Variants in EYS observed in about 807,000 individuals in gnomAD.
EYS encodes protein eyes shut homolog.
EYS carries 250 observed loss-of-function variants against 282.1 expected under a neutral mutation model. That is an observed-to-expected ratio of 0.89 (90% CI 0.80 to 0.98). The LOEUF (loss-of-function observed/expected upper bound fraction) is 0.98. EYS is among the 50% of genes least tolerant of loss of function. The pLI, the probability that EYS is intolerant of heterozygous loss-of-function variation, is 0.00. For synonymous variants in EYS, 1,355 were observed against 1,282.9 expected (o/e 1.06, Z -1.20); for missense variants, 4,016 against 3,709.0 (o/e 1.08, Z -2.15).
intron 2 of EYS, among the ~76,000 whole-genome samples, chr6:65,610,200 C>A (rs1765946192): frequency 6.6e-6 from 1 of 152,050 alleles, no homozygotes; most frequent in Non-Finnish European, 1.5e-5. Flanking sequence ...AGCTGCCATG[C>A]CCGGCCTATT....
chr6:64,133,473 A>T (rs1774052559), intron 31 of EYS, among the ~76,000 whole-genome samples: 1 of 126,594 alleles, frequency 7.9e-6, no homozygotes, highest in Non-Finnish European at 1.7e-5. Flanking sequence ...CTTTTGCATT[A>T]CTTCACACAC....
intron 15 of EYS, among the ~76,000 whole-genome samples, chr6:64,944,505 C>T (rs1018488747): frequency 6.6e-6 from 1 of 152,008 alleles, no homozygotes; most frequent in African/African-American, 2.4e-5. Flanking sequence ...ACCAGGGGCA[C>T]AATGCACTGT....
chr6:63,740,583 A>G (rs1189741298), intron 41 of EYS, among the ~76,000 whole-genome samples: 2 of 152,224 alleles, frequency 1.3e-5, no homozygotes, highest in East Asian at 1.9e-4. Context: ...TGAAATTCTT[A>G]TAATAAAGCT....
intron 30 of EYS, among the ~76,000 whole-genome samples, chr6:64,268,778 A>AG (rs1767846871): frequency 6.6e-6 from 1 of 152,078 alleles, no homozygotes; most frequent in African/African-American, 2.4e-5. Context: ...TGAGTATGGG[A>AG]GGGGGCAGTG....
chr6:64,215,082 TATG>T lies in EYS; in HGVS notation c.6424+15507_6424+15509del, dbSNP rs545363910. On this transcript the variant is annotated intron_variant, in intron 31 of 42. Coordinates refer to ENST00000503581, the MANE Select transcript of EYS (RefSeq NM_001142800.2). ...ATCTAGAGGATAATGTTCAGTGGTT[TATG>T]ATACTAAAATTGAGATCAAAATTTG... is the stretch of plus-strand genomic sequence containing the variant. Among the ~76,000 whole-genome samples the T allele has an allele frequency of 3.9e-5, 6 of 152,136 alleles. No individual in the cohort carries two copies. In the East Asian group the frequency reaches 1.2e-3, roughly 29 times the overall value.
intron 5 of EYS, among the ~76,000 whole-genome samples, chr6:65,414,486 GA>G (rs34373105): frequency 6.6e-6 from 1 of 151,818 alleles, no homozygotes; most frequent in Non-Finnish European, 1.5e-5. Context: ...AAGACAGTGA[GA>G]AAAAAATCAT....
chr6:64,442,391 T>C (rs752891054), intron 26 of EYS, among the ~76,000 whole-genome samples: 6 of 152,156 alleles, frequency 3.9e-5, no homozygotes, highest in Non-Finnish European at 7.3e-5. Context: ...TCAGAAAATT[T>C]GCACCCTGAC....
intron 2 of EYS, among the ~76,000 whole-genome samples, chr6:65,615,372 T>C (rs1766148490): frequency 7.1e-6 from 1 of 139,990 alleles, no homozygotes; most frequent in South Asian, 2.3e-4. Context: ...CAAAACCGAG[T>C]TCATTTTATT....
At chr6:64,830,582 T>A (rs1221198936) in intron 19 of EYS, among the ~76,000 whole-genome samples, 1 of 151,930 alleles carries the variant, frequency 6.6e-6, no homozygotes, top group Admixed American at 6.6e-5. Context: ...TAATATAATT[T>A]GCACAGGAGA....
At chr6:65,601,430 T>C (rs1190331873) in intron 2 of EYS, among the ~76,000 whole-genome samples, 1 of 151,934 alleles carries the variant, frequency 6.6e-6, no homozygotes, top group Non-Finnish European at 1.5e-5. Context: ...ATTATGCTTT[T>C]TTTTCCCCCA....
intron 22 of EYS, among the ~76,000 whole-genome samples, chr6:64,745,777 T>A (rs1395426198): frequency 6.6e-6 from 1 of 152,188 alleles, no homozygotes; most frequent in African/African-American, 2.4e-5. Context: ...GCAAGCATTA[T>A]AGCTTTTGTT....
chr6:64,338,430 G>A (rs1770947150), intron 29 of EYS, among the ~76,000 whole-genome samples: 1 of 151,722 alleles, frequency 6.6e-6, no homozygotes, highest in South Asian at 2.1e-4. Context: ...CCAAGGAGGT[G>A]AAAAACCTCC....
intron 26 of EYS, among the ~76,000 whole-genome samples, chr6:64,447,759 TTATTGC>T (rs1562000065): frequency 6.6e-6 from 1 of 152,194 alleles, no homozygotes. Context: ...TGAAAATAGA[TTATTGC>T]AAGGGAATGT....
chr6:63,740,047 T>C (rs1464183733), intron 41 of EYS, among the ~76,000 whole-genome samples: 1 of 152,110 alleles, frequency 6.6e-6, no homozygotes, highest in Non-Finnish European at 1.5e-5. Context: ...ATGAAAATAT[T>C]CAGCACTTTT....
At chr6:64,285,533 T>G (rs1000447989) in intron 30 of EYS, among the ~76,000 whole-genome samples, 1 of 152,172 alleles carries the variant, frequency 6.6e-6, no homozygotes, top group Non-Finnish European at 1.5e-5. Flanking sequence ...TTTCCCACAT[T>G]TTCCTATGTT....
intron 12 of EYS, among the ~76,000 whole-genome samples, chr6:65,130,675 G>A (rs1017194322): frequency 2.0e-5 from 3 of 151,428 alleles, no homozygotes; most frequent in African/African-American, 7.3e-5. Flanking sequence ...AGGAGTGAGA[G>A]GATCAGGAAA....
intron 5 of EYS, among the ~76,000 whole-genome samples, chr6:65,450,879 G>A (rs1764372324): frequency 6.6e-6 from 1 of 152,036 alleles, no homozygotes; most frequent in Admixed American, 6.6e-5. Context: ...TCATTAATAT[G>A]AAAATTTCTG....
intron 11 of EYS, among the ~76,000 whole-genome samples, chr6:65,333,833 T>C (rs894439030): frequency 1.3e-5 from 2 of 151,640 alleles, no homozygotes; most frequent in Non-Finnish European, 3.0e-5. Context: ...ACTAACTGTT[T>C]CATTTTTTCT....
intron 14 of EYS, among the ~76,000 whole-genome samples, chr6:64,959,875 A>ATT (rs35264278): frequency 4.9e-4 from 58 of 119,224 alleles, no homozygotes; most frequent in African/African-American, 1.2e-3. Flanking sequence ...ACGACTCAGG[A>ATT]TTTTTTTTTT....
Sources: allele counts gnomAD v4.1 joint callset (sites outside exome capture counted in the v4.1 genomes callset), GRCh38; gene constraint gnomAD v4.1.1; transcripts MANE v1.5; gene names NCBI Gene and HGNC (gene_info 2026-07-23, HGNC 2026-07-21).